The following ANKRD27 variants were observed in gnomAD, a reference collection of about 807,000 sequenced individuals.
ANKRD27 encodes ankyrin repeat domain 27.
Under a neutral mutation model 129.7 loss-of-function variants are expected in ANKRD27, and 112 were observed. The ratio of observed to expected loss-of-function variants is 0.86; its 90% CI spans 0.74 to 1.01. The LOEUF (loss-of-function observed/expected upper bound fraction) is 1.01. Ranked by LOEUF, ANKRD27 falls within the 50% of genes least tolerant of loss-of-function variation. ANKRD27 has a pLI of 0.00. For missense variants in ANKRD27, 1,258 were observed against 1,300.5 expected, an observed-to-expected ratio of 0.97 and a Z score of 0.50; for synonymous variants, 516 against 511.2, an observed-to-expected ratio of 1.01 and a Z score of -0.13.
intron 12 of ANKRD27, among the ~76,000 whole-genome samples, chr19:32,635,909 G>A (rs890113214): frequency 6.6e-6 from 1 of 152,208 alleles, no homozygotes; most frequent in African/African-American, 2.4e-5. Context: ...GCTCAGGTGT[G>A]TTCAAGATTC....
Position 32,628,793 on chromosome 19 carries a change from A to G in ANKRD27, c.1266T>C (p.His422=), listed in dbSNP as rs147056586. 1.9e-6 allele frequency: 3 copies of G among 1,614,028 alleles called. No homozygotes were observed. The African/African-American group carries it at 4.0e-5, about 22-fold the overall frequency. The change falls in exon 14 of 29, where the codon CAT becomes CAC. Residue 422 remains histidine (H), a synonymous_variant. Transcript: ENST00000306065. ...ACATCTTTTGGACGGTATCTTTATC[A>G]TGGTCCTCTTGGCTCAGAAGTCTCT... is the stretch of plus-strand genomic sequence containing the variant. The part of the protein sequence containing the change: ...EVERLLSQED[H]DKDTVQKMCH...
In ANKRD27 at chr19:32,649,663, TCCA is replaced by T. The variant is rs1175520579; in HGVS notation, c.213+16_213+18del. 1 of 1,544,092 alleles carries T rather than the reference TCCA, an allele frequency of 6.5e-7. No homozygotes were observed. Among genetic ancestry groups the T allele is most frequent in the Non-Finnish European group, 9.0e-7 (1 of 1,116,726 alleles). On this transcript the variant is annotated intron_variant, in intron 3 of 28. Coordinates refer to ENST00000306065, the MANE Select transcript of ANKRD27 (RefSeq NM_032139.3). Reference sequence around the variant, plus strand: ...ACACCGAGTAGGTGACCCTGGCTGATCCACCAAGAAATGAATACCTTTCCATTT... The same window carrying T: ...ACACCGAGTAGGTGACCCTGGCTGATCCAAGAAATGAATACCTTTCCATTT...
chr19:32,618,702 G>A (rs2145273353), intron 20 of ANKRD27, among the ~76,000 whole-genome samples: 1 of 152,220 alleles, frequency 6.6e-6, no homozygotes, highest in South Asian at 2.1e-4. Context: ...CCATGGGGGG[G>A]CCATCGAAGG....
chr19:32,649,537 C>A (rs1479420681), intron 3 of ANKRD27, 145 bp downstream of exon 3: 3 of 640,706 alleles, frequency 4.7e-6, no homozygotes, highest in Non-Finnish European at 8.3e-6. Context: ...AGGCAGGGTC[C>A]CTCCAGCCCC....
At chr19:32,604,137 A>C in intron 25 of ANKRD27, 126 bp downstream of exon 25, 1 of 1,130,844 alleles carries the variant, frequency 8.8e-7, no homozygotes, top group Non-Finnish European at 1.2e-6. Context: ...TGGCACACCA[A>C]CTACGCCCAG....
In ANKRD27 at chr19:32,644,345, T is replaced by C. The variant is rs776284345; in HGVS notation, c.505A>G (p.Lys169Glu). 1 of 1,613,298 alleles carries C rather than the reference T, an allele frequency of 6.2e-7. No individual in the cohort carries two copies. The highest frequency in any genetic ancestry group is 8.5e-7 in the Non-Finnish European group (1 of 1,179,856). The change falls in exon 5 of 29, where the codon AAG becomes GAG. Residue 169 changes from lysine to glutamate, a missense_variant. Physicochemically the swap from Lys to Glu is moderately conservative, Grantham distance 56. Coordinates refer to ENST00000306065, the MANE Select transcript of ANKRD27 (RefSeq NM_032139.3). The part of the protein sequence containing the change: ...FHRTFRECER[K>E]SLRHHIDSAN... The stretch of plus-strand genomic sequence containing the variant: ...CTGACTATGTGGTGACGGAGGCTCT[T>C]TCTCTCGCATTCTCGGAATGTTCGA...
chr19:32,615,310 A>G (rs1182363851), intron 22 of ANKRD27, among the ~76,000 whole-genome samples: 1 of 152,172 alleles, frequency 6.6e-6, no homozygotes, highest in Non-Finnish European at 1.5e-5. Flanking sequence ...GCTGGCCAGG[A>G]GCAGTGGCTC....
chr19:32,669,362 T>A (rs1379097316), intron 1 of ANKRD27, among the ~76,000 whole-genome samples: 1 of 152,184 alleles, frequency 6.6e-6, no homozygotes, highest in African/African-American at 2.4e-5. Context: ...AATCATTAAA[T>A]TCACTTATTA....
At chr19:32,614,663 G>A (rs1230025699) in intron 22 of ANKRD27, among the ~76,000 whole-genome samples, 1 of 151,736 alleles carries the variant, frequency 6.6e-6, no homozygotes, top group Non-Finnish European at 1.5e-5. Context: ...AAGATCGCCC[G>A]ACAGAGCAAG....
At chr19:32,644,225 G>C (rs1967257345) in intron 5 of ANKRD27, 100 bp downstream of exon 5, 1 of 1,326,954 alleles carries the variant, frequency 7.5e-7, no homozygotes, top group South Asian at 1.4e-5. Context: ...TTCAAACAGT[G>C]AGGCAGCACC....
At position 32,629,557 on chromosome 19, in the gene ANKRD27, G is replaced by A. The variant is rs184188910; in HGVS notation, c.1210-708C>T. ...TCTACTAAAAATACAAAACTTAGCC[G>A]GATGTGGTGGCAGACGCCTGTAATC... On this transcript the variant is annotated intron_variant, in intron 13 of 28. Coordinates refer to ENST00000306065, the MANE Select transcript of ANKRD27 (RefSeq NM_032139.3). 6.6e-5 allele frequency among the ~76,000 whole-genome samples: 10 copies of A among 152,162 alleles called. 1 individual carries two copies. The highest frequency in any genetic ancestry group is 4.2e-4 in the South Asian group (2 of 4,818).
chr19:32,605,825 G>A lies in ANKRD27; in HGVS notation c.2493+10C>T, dbSNP rs1971724901. On this transcript the variant is annotated intron_variant, in intron 24 of 28. Transcript: ENST00000306065. Reference sequence around the variant, plus strand: ...AGGTGTGTAGAATGAGGACAGGAAGGGGCCCTCACCTGTAGCAGCAGTGCC... The same window carrying A: ...AGGTGTGTAGAATGAGGACAGGAAGAGGCCCTCACCTGTAGCAGCAGTGCC... 3 of 1,612,868 alleles carry A rather than the reference G, an allele frequency of 1.9e-6. No individual in the cohort carries two copies. The highest frequency in any genetic ancestry group is 1.3e-5 in the African/African-American group (1 of 74,880).
chr19:32,608,002 T>C (rs1971774325), intron 22 of ANKRD27, among the ~76,000 whole-genome samples, 170 bp from the exon 23 acceptor site: 1 of 107,916 alleles, frequency 9.3e-6, no homozygotes, highest in Admixed American at 8.8e-5. Flanking sequence ...AAAAAACAAC[T>C]TCCTTTTTTT....
chr19:32,599,132 A>T (rs1440659197), intron 28 of ANKRD27, among the ~76,000 whole-genome samples: 1 of 152,180 alleles, frequency 6.6e-6, no homozygotes, highest in African/African-American at 2.4e-5. Context: ...ATACAAAAAA[A>T]TTAGCCAGGA....
At chr19:32,664,834 C>T (rs1437219967) in intron 1 of ANKRD27, among the ~76,000 whole-genome samples, 4 of 140,850 alleles carry the variant, frequency 2.8e-5, no homozygotes, top group South Asian at 2.4e-4. Context: ...GCAGGAGAAT[C>T]GCTTGAGCCC....
intron 17 of ANKRD27, among the ~76,000 whole-genome samples, chr19:32,625,279 T>C (rs1460280158): frequency 6.6e-6 from 1 of 151,732 alleles, no homozygotes; most frequent in African/African-American, 2.4e-5. Flanking sequence ...AAGTAAATAA[T>C]AAAAACAGAA....
chr19:32,604,360 T>G lies in ANKRD27; in HGVS notation c.2558A>C (p.Glu853Ala). ...GNTALHEAVI[E>A]KHVFVVELLL... is the part of the protein sequence containing the mutation. ...CAGCTCTACCACGAAGACGTGCTTT[T>G]CAATCACAGCCTCGTGCAGCGCTGT... Residue 853 changes from glutamate to alanine, a missense_variant, in exon 25 of 29, where the codon GAA (glutamate) becomes GCA (alanine). Transcript: ENST00000306065. 2 of 1,613,878 alleles carry G rather than the reference T, an allele frequency of 1.2e-6. No homozygotes were observed. The highest frequency in any genetic ancestry group is 1.7e-6 in the Non-Finnish European group (2 of 1,179,742).
intron 25 of ANKRD27, among the ~76,000 whole-genome samples, chr19:32,602,963 C>T (rs1274569417): frequency 6.6e-6 from 1 of 152,012 alleles, no homozygotes; most frequent in Non-Finnish European, 1.5e-5. Context: ...TAAGAAAGTA[C>T]TAAACTGAGA....
Position 32,607,726 on chromosome 19 carries a change from G to T in ANKRD27, c.2282C>A (p.Pro761His), listed in dbSNP as rs2302970. 2.4e-5 allele frequency: 39 copies of T among 1,612,188 alleles called. No homozygotes were observed. Among genetic ancestry groups the T allele is most frequent in the Non-Finnish European group, 2.5e-5 (30 of 1,179,214 alleles). ...AALHGRADLI[P>H]LLLKHGANAG... ...GTTGGCCCCGTGCTTCAGCAGGAGG[G>T]GGATGAGGTCCGCCCGGCCGTGCAG... Residue 761 changes from proline (P) to histidine (H), a missense_variant, in exon 23 of 29, where the codon CCC becomes CAC. By Grantham distance (77) the Pro-to-His change is moderately conservative. Transcript: ENST00000306065.
Sources: gnomAD v4.1 joint callset for allele counts (sites outside exome capture counted in the v4.1 genomes callset) on GRCh38, gnomAD v4.1.1 for gene constraint, MANE v1.5 for transcripts, NCBI Gene and HGNC (gene_info 2026-07-23, HGNC 2026-07-21) for gene names.